Variants in TBPL1 observed in about 807,000 individuals in gnomAD.
TBPL1 encodes TATA-box binding protein like 1.
A neutral mutation model predicts 22.1 loss-of-function variants in TBPL1; 4 were observed. The observed-to-expected ratio is 0.18, with a 90% CI of 0.09 to 0.41. The LOEUF (loss-of-function observed/expected upper bound fraction) is 0.41, where lower values mean the gene tolerates loss of function less well. Ranked by LOEUF, TBPL1 falls within the 10% of genes least tolerant of loss-of-function variation. TBPL1 has a pLI of 1.00. For synonymous variants in TBPL1, 64 were observed against 71.0 expected (o/e 0.90, Z 0.50); for missense variants, 115 against 222.3 (o/e 0.52, Z 3.07).
intron 1 of TBPL1, among the ~76,000 whole-genome samples, chr6:133,959,876 G>T (rs951866995): frequency 6.6e-6 from 1 of 152,206 alleles, no homozygotes; most frequent in Non-Finnish European, 1.5e-5. Context: ...ACCCAAAAGT[G>T]CAAATATGAA....
rs1562671904 is a variant in TBPL1, at chr6:133,989,924, G to A, written c.*2884G>A. 6.6e-6 allele frequency: 1 copy of A among 152,144 alleles called. No homozygotes were observed. Among genetic ancestry groups the A allele is most frequent in the African/African-American group, 2.4e-5 (1 of 41,436 alleles). The allele number at this position is 152,144 out of a possible 1,614,324, so 9.4% of individuals were successfully genotyped here. ...TTGTTCGTGCTTTTAAGTTTTTTGTGTGTCTTCCATCACTTAAATATTAGT... is the reference window on the plus strand; with the variant it reads ...TTGTTCGTGCTTTTAAGTTTTTTGTATGTCTTCCATCACTTAAATATTAGT... On this transcript the variant is annotated 3_prime_UTR_variant, in exon 7 of 7. Transcript: ENST00000237264.
rs1480894738 is a variant in TBPL1 at position 133,987,384 on chromosome 6, A to G, written c.*344A>G. 1 of 157,898 alleles carries G rather than the reference A, an allele frequency of 6.3e-6. No individual in the cohort carries two copies. Among genetic ancestry groups the G allele is most frequent in the African/African-American group, 2.4e-5 (1 of 41,640 alleles). The allele number at this position is 157,898 out of a possible 1,614,324, so 9.8% of individuals were successfully genotyped here. Reference sequence around the variant, plus strand: ...TTTCCATTTTGAGCTAATGTGTTTTATTTGTGAATAGTCTTTTACATTTTT... The same window carrying G: ...TTTCCATTTTGAGCTAATGTGTTTTGTTTGTGAATAGTCTTTTACATTTTT... On this transcript the variant is annotated 3_prime_UTR_variant, in exon 7 of 7. Transcript: ENST00000237264.
At chr6:133,976,973 A>G (rs924171440) in intron 1 of TBPL1, among the ~76,000 whole-genome samples, 8 of 149,446 alleles carry the variant, frequency 5.4e-5, no homozygotes, top group African/African-American at 7.7e-5. Flanking sequence ...GTCTCAAAAA[A>G]AAAAAAAAAG....
Position 133,990,289 on chromosome 6 carries a change from C to G in TBPL1, c.*3249C>G, listed in dbSNP as rs1172591676. 1 of 152,610 alleles carries G rather than the reference C, an allele frequency of 6.6e-6. No homozygotes were observed. Among genetic ancestry groups the G allele is most frequent in the African/African-American group, 2.4e-5 (1 of 41,434 alleles). 9.5% of individuals were successfully genotyped at this position (152,610 alleles called of 1,614,324 possible). A position where few individuals can be genotyped will look rare whatever the true frequency, so the allele number is the denominator to read the frequency against. On this transcript the variant is annotated 3_prime_UTR_variant, in exon 7 of 7. Coordinates refer to ENST00000237264, the MANE Select transcript of TBPL1 (RefSeq NM_004865.4). Reference sequence around the variant, plus strand: ...ACTATACATTGTCATGAAAGCCTTACAAGGAGGCAGCTTTTCTAGGCTTGA... The same window carrying G: ...ACTATACATTGTCATGAAAGCCTTAGAAGGAGGCAGCTTTTCTAGGCTTGA...
chr6:133,978,610 AAAAC>A (rs1776355740), intron 1 of TBPL1, among the ~76,000 whole-genome samples: 1 of 152,242 alleles, frequency 6.6e-6, no homozygotes, highest in African/African-American at 2.4e-5. Flanking sequence ...AAATAACAGA[AAAAC>A]AAAAAGATAC....
chr6:133,980,123 C>A lies in TBPL1; in HGVS notation c.-3C>A. The A allele has an allele frequency of 6.6e-7, 1 of 1,518,126 alleles. No homozygotes were observed. Among genetic ancestry groups the A allele is most frequent in the South Asian group, 1.4e-5 (1 of 73,030 alleles). The allele number at this position is 1,518,126 out of a possible 1,614,324, so 94.0% of individuals were successfully genotyped here. Reference sequence around the variant, plus strand: ...TGGAAAGCTAAATTTTAAAACCACCCCAATGGATGCAGACAGTGATGTTGC... The same window carrying A: ...TGGAAAGCTAAATTTTAAAACCACCACAATGGATGCAGACAGTGATGTTGC... On this transcript the variant is annotated 5_prime_UTR_variant, in exon 2 of 7. Coordinates refer to ENST00000237264, the MANE Select transcript of TBPL1 (RefSeq NM_004865.4).
intron 1 of TBPL1, among the ~76,000 whole-genome samples, chr6:133,979,670 A>G (rs1776374719): frequency 1.3e-5 from 2 of 152,180 alleles, no homozygotes; most frequent in South Asian, 4.1e-4. Context: ...TTGTTTTGAC[A>G]GAGTCTCACT....
intron 1 of TBPL1, among the ~76,000 whole-genome samples, chr6:133,975,526 A>G (rs1776297980): frequency 1.3e-5 from 2 of 152,342 alleles, no homozygotes; most frequent in Middle Eastern, 3.4e-3. Context: ...AAAAGAAAAA[A>G]GAAATAAGCC....
chr6:133,988,704 A>T lies in TBPL1; in HGVS notation c.*1664A>T, dbSNP rs1267672156. 2 of 151,874 alleles carry T rather than the reference A, an allele frequency of 1.3e-5. No homozygotes were observed. The highest frequency in any genetic ancestry group is 4.8e-5 in the African/African-American group (2 of 41,326). 9.4% of individuals were successfully genotyped at this position (151,874 alleles called of 1,614,324 possible). On this transcript the variant is annotated 3_prime_UTR_variant, in exon 7 of 7. Transcript: ENST00000237264. Reference sequence around the variant, plus strand: ...CCTTCTTGTGAAATATTTCATTGAGATTTTTAGACTTGTATTTTTCCTTTT... The same window carrying T: ...CCTTCTTGTGAAATATTTCATTGAGTTTTTTAGACTTGTATTTTTCCTTTT...
At chr6:133,955,056 A>C (rs2114312496) in intron 1 of TBPL1, among the ~76,000 whole-genome samples, 1 of 152,216 alleles carries the variant, frequency 6.6e-6, no homozygotes, top group African/African-American at 2.4e-5. Context: ...GAAGAAAAAG[A>C]TAGATTAATG....
intron 1 of TBPL1, among the ~76,000 whole-genome samples, chr6:133,970,512 T>C (rs1332055345): frequency 6.6e-6 from 1 of 152,162 alleles, no homozygotes; most frequent in African/African-American, 2.4e-5. Context: ...CTTAAACAGC[T>C]GTTAGAAATT....
intron 1 of TBPL1, among the ~76,000 whole-genome samples, chr6:133,977,063 A>T (rs929846737): frequency 6.6e-6 from 1 of 152,018 alleles, no homozygotes; most frequent in African/African-American, 2.4e-5. Flanking sequence ...TAATATGTTT[A>T]GCTTTAGAAA....
intron 1 of TBPL1, among the ~76,000 whole-genome samples, chr6:133,956,562 CCAT>C (rs3836972): frequency 0.14 from 21,691 of 152,004 alleles, 1,971 homozygotes; most frequent in African/African-American, 0.27. Flanking sequence ...GTATGAGTAG[CCAT>C]CATCATATTG....
chr6:133,982,761 G>T, intron 3 of TBPL1, 56 bp from the exon 4 acceptor site: 1 of 1,593,736 alleles, frequency 6.3e-7, no homozygotes, highest in Non-Finnish European at 8.6e-7. Flanking sequence ...ATGTTCCTCA[G>T]TATAACATTT....
chr6:133,959,223 A>C (rs1486393064), intron 1 of TBPL1, among the ~76,000 whole-genome samples: 1 of 152,052 alleles, frequency 6.6e-6, no homozygotes, highest in East Asian at 1.9e-4. Flanking sequence ...TATTTTTAGT[A>C]GATGCAGGGT....
At chr6:133,985,118 A>G (rs1257459902) in intron 6 of TBPL1, among the ~76,000 whole-genome samples, 3 of 151,138 alleles carry the variant, frequency 2.0e-5, no homozygotes, top group Non-Finnish European at 4.4e-5. Context: ...TCTCTACTAA[A>G]AATACAAAAT....
At chr6:133,985,290 AAAAAAAAATATATATATAT>A (rs1187123410) in intron 6 of TBPL1, among the ~76,000 whole-genome samples, 2 of 64,438 alleles carry the variant, frequency 3.1e-5, no homozygotes, top group African/African-American at 1.2e-4. Flanking sequence ...AAAAAAAAAA[AAAAAAAAATATATATATAT>A]ATATATATAT....
chr6:133,982,661 C>T lies in TBPL1; in HGVS notation c.218+11C>T, dbSNP rs1306554569. On this transcript the variant is annotated intron_variant, in intron 3 of 6. Coordinates refer to ENST00000237264, the MANE Select transcript of TBPL1 (RefSeq NM_004865.4). ...CACTGGAGCAACAAGGTAAATGCTA[C>T]TTGGGTTTTTTGTTTTTATTTTTTA... The T allele has an allele frequency of 1.4e-5, 23 of 1,607,144 alleles. No homozygotes were observed. The highest frequency in any genetic ancestry group is 3.4e-5 in the Admixed American group (2 of 58,760).
intron 1 of TBPL1, among the ~76,000 whole-genome samples, chr6:133,973,362 C>T (rs2114360959): frequency 6.6e-6 from 1 of 152,314 alleles, no homozygotes. Flanking sequence ...GTATCCTCAG[C>T]TTCAACTTGA....
Sources: allele counts gnomAD v4.1 joint callset (sites outside exome capture counted in the v4.1 genomes callset), GRCh38; gene constraint gnomAD v4.1.1; transcripts MANE v1.5; gene names NCBI Gene and HGNC (gene_info 2026-07-23, HGNC 2026-07-21).